The following RBFOX1 variants were observed in gnomAD, a reference collection of about 807,000 sequenced individuals.
RBFOX1 encodes the protein RNA binding fox-1 homolog 1, also known as RNA binding protein fox-1 homolog 1.
A neutral mutation model predicts 57.7 loss-of-function variants in RBFOX1; 8 were observed. That is an observed-to-expected ratio of 0.14 (90% CI 0.08 to 0.25). RBFOX1 has a LOEUF of 0.25. Ranked by LOEUF, RBFOX1 falls within the 10% of genes least tolerant of loss-of-function variation. The pLI is 1.00. For synonymous variants in RBFOX1, 326 were observed against 222.4 expected (o/e 1.47, Z -4.15); for missense variants, 611 against 548.5 (o/e 1.11, Z -1.14).
chr16:6,769,875 C>T (rs1386434580), intron 3 of RBFOX1, among the ~76,000 whole-genome samples: 1 of 152,128 alleles, frequency 6.6e-6, no homozygotes, highest in African/African-American at 2.4e-5. Context: ...TTGTTTGGAG[C>T]GATTTGAAAT....
At chr16:6,483,146 T>G in intron 2 of RBFOX1, 1 of 1,066,578 alleles carries the variant, frequency 9.4e-7, no homozygotes, top group Non-Finnish European at 1.1e-6. Context: ...CTGCAAGAGT[T>G]TGCAAAAACA....
intron 3 of RBFOX1, among the ~76,000 whole-genome samples, chr16:6,902,583 A>G (rs1460204806): frequency 6.6e-6 from 1 of 152,120 alleles, no homozygotes; most frequent in African/African-American, 2.4e-5. Flanking sequence ...TTGGCCAAGT[A>G]TGGTGGCACA....
intron 2 of RBFOX1, among the ~76,000 whole-genome samples, chr16:5,502,962 G>A (rs2043252116): frequency 6.6e-6 from 1 of 152,200 alleles, no homozygotes; most frequent in Non-Finnish European, 1.5e-5. Context: ...ACGATTGCTT[G>A]GATCATTCTA....
chr16:7,266,476 C>A (rs946614940), intron 4 of RBFOX1, among the ~76,000 whole-genome samples: 1 of 152,218 alleles, frequency 6.6e-6, no homozygotes, highest in Non-Finnish European at 1.5e-5. Context: ...AATTAAACCT[C>A]TTTTGTTTAT....
rs1420943396 is a variant in RBFOX1 at position 6,156,200 on chromosome 16, C to T, written c.-127+136208C>T. Among the ~76,000 whole-genome samples the T allele has an allele frequency of 2.6e-5, 4 of 152,158 alleles. No individual in the cohort carries two copies. In the East Asian group the frequency reaches 7.7e-4, roughly 29 times the overall value. On this transcript the variant is annotated intron_variant, in intron 1 of 15. Transcript: ENST00000550418. ...TTTTTCCTAATAGAGGTTTCTGTGA[C>T]CTCTTAGCACACATGAACTAATGCA...
At chr16:5,867,248 T>A (rs1363309488) in intron 3 of RBFOX1, 2 of 1,126,986 alleles carry the variant, frequency 1.8e-6, no homozygotes, top group Non-Finnish European at 2.2e-6. Flanking sequence ...AGACAATTAA[T>A]CCAATTACCT....
At chr16:5,432,561 T>C in intron 1 of RBFOX1, among the ~76,000 whole-genome samples, 1 of 32,342 alleles carries the variant, frequency 3.1e-5, no homozygotes, top group South Asian at 7.8e-4. Context: ...GTTTGTTTGT[T>C]TTTTTTTTTT....
intron 2 of RBFOX1, among the ~76,000 whole-genome samples, chr16:5,476,338 A>G (rs9927576): frequency 0.055 from 8,364 of 152,296 alleles, 623 homozygotes; most frequent in African/African-American, 0.17. Context: ...GAGTGAGACC[A>G]GACATTTCTT....
At chr16:6,508,911 T>C (rs2096184766) in intron 2 of RBFOX1, among the ~76,000 whole-genome samples, 1 of 152,196 alleles carries the variant, frequency 6.6e-6, no homozygotes, top group African/African-American at 2.4e-5. Context: ...TTGTTATCAT[T>C]AATGGTATTC....
chr16:7,034,827 C>CTTTTTTTTTTTCTTTTTTTTTTTT, intron 3 of RBFOX1, among the ~76,000 whole-genome samples: 1 of 54,114 alleles, frequency 1.8e-5, no homozygotes, highest in Non-Finnish European at 3.1e-5. Context: ...TATTGCATTA[C>CTTTTTTTTTTTCTTTTTTTTTTTT]TTTTTTTTTT....
rs1268456933 is a variant in RBFOX1 at position 6,954,957 on chromosome 16, G to T, written c.-15-97100G>T. 3.3e-5 allele frequency among the ~76,000 whole-genome samples: 5 copies of T among 151,978 alleles called. No individual in the cohort carries two copies. The East Asian group carries it at 9.6e-4, about 29-fold the overall frequency. ...ATCAAATTTAATATGAAGGCTGGGTGTGGTGGCTCGTGCCCATAATCTGAG... is the reference window on the plus strand; with the variant it reads ...ATCAAATTTAATATGAAGGCTGGGTTTGGTGGCTCGTGCCCATAATCTGAG... On this transcript the variant is annotated intron_variant, in intron 3 of 15. Transcript: ENST00000550418.
intron 2 of RBFOX1, among the ~76,000 whole-genome samples, chr16:6,575,862 AAAATAAATAAATAAATAAAT>A (rs60635526): frequency 4.8e-5 from 7 of 145,444 alleles, no homozygotes; most frequent in Non-Finnish European, 1.1e-4. Flanking sequence ...ATCTCAATAA[AAAATAAATAAATAAATAAAT>A]AAATAAATAA....
intron 2 of RBFOX1, chr16:5,467,378 A>T: frequency 1.1e-6 from 1 of 905,502 alleles, no homozygotes; most frequent in Middle Eastern, 2.2e-4. Flanking sequence ...GTAATCAACC[A>T]CAGCACAGTT....
intron 2 of RBFOX1, among the ~76,000 whole-genome samples, chr16:6,643,085 G>A (rs188231541): frequency 8.0e-4 from 121 of 152,048 alleles, no homozygotes; most frequent in Admixed American, 7.7e-3. Flanking sequence ...TTAATGAAAT[G>A]TCTCCTCAAA....
intron 1 of RBFOX1, among the ~76,000 whole-genome samples, chr16:6,181,887 G>T (rs575817972): frequency 6.6e-6 from 1 of 151,452 alleles, no homozygotes. Context: ...TTCCAGCCGT[G>T]GCAATATCAT....
chr16:5,726,909 G>A (rs578005684), intron 3 of RBFOX1, among the ~76,000 whole-genome samples: 2 of 152,264 alleles, frequency 1.3e-5, no homozygotes, highest in South Asian at 2.1e-4. Flanking sequence ...GAAAGGTTCT[G>A]TGACTTTCCT....
intron 1 of RBFOX1, among the ~76,000 whole-genome samples, chr16:6,200,753 A>G (rs1172464946): frequency 6.6e-6 from 1 of 152,164 alleles, no homozygotes; most frequent in Non-Finnish European, 1.5e-5. Flanking sequence ...TTGTGATGGG[A>G]TAGACAAGGG....
intron 1 of RBFOX1, among the ~76,000 whole-genome samples, chr16:6,158,496 T>C (rs1192559692): frequency 2.0e-5 from 3 of 152,238 alleles, no homozygotes; most frequent in South Asian, 2.1e-4. Context: ...ATTTGAATTT[T>C]ATTGGAGTAC....
intron 2 of RBFOX1, among the ~76,000 whole-genome samples, chr16:6,591,698 C>T (rs1037738341): frequency 6.6e-6 from 1 of 152,148 alleles, no homozygotes; most frequent in Non-Finnish European, 1.5e-5. Context: ...TTTTCTACAG[C>T]TTAATTTCTA....
Sources: allele counts gnomAD v4.1 joint callset (sites outside exome capture counted in the v4.1 genomes callset), GRCh38; gene constraint gnomAD v4.1.1; transcripts MANE v1.5; gene names NCBI Gene and HGNC (gene_info 2026-07-23, HGNC 2026-07-21).